KDM4C: variants seen among roughly 807,000 people sequenced by gnomAD.
KDM4C encodes lysine-specific demethylase 4C.
In KDM4C, 81 loss-of-function variants were observed where a neutral mutation model predicts 129.3. The observed-to-expected ratio is 0.63, with a 90% CI of 0.52 to 0.75. The LOEUF is 0.75. KDM4C is among the 30% of genes least tolerant of loss of function. The probability of loss-of-function intolerance (pLI) is 0.00; values close to 1 mark genes in which losing one functional copy is unlikely to be tolerated. For missense variants in KDM4C, 1,457 were observed against 1,304.0 expected, an observed-to-expected ratio of 1.12 and a Z score of -1.81; for synonymous variants, 573 against 456.1, an observed-to-expected ratio of 1.26 and a Z score of -3.26.
intron 4 of KDM4C, among the ~76,000 whole-genome samples, chr9:6,825,329 A>G (rs940629393): frequency 1.3e-5 from 2 of 152,216 alleles, no homozygotes; most frequent in African/African-American, 4.8e-5. Flanking sequence ...AGACCCTCTG[A>G]CAAGGTCTGC....
At chr9:6,918,267 G>A (rs1820699580) in intron 8 of KDM4C, among the ~76,000 whole-genome samples, 1 of 152,192 alleles carries the variant, frequency 6.6e-6, no homozygotes, top group East Asian at 1.9e-4. Flanking sequence ...GTGAGAACAT[G>A]TGGTATTTGG....
chr9:6,938,869 T>A (rs905160953), intron 8 of KDM4C, among the ~76,000 whole-genome samples: 1 of 152,148 alleles, frequency 6.6e-6, no homozygotes, highest in Non-Finnish European at 1.5e-5. Context: ...ATATTATTGT[T>A]CTTTCATAGA....
intron 17 of KDM4C, among the ~76,000 whole-genome samples, chr9:7,085,473 T>A (rs2132981751): frequency 6.6e-6 from 1 of 152,278 alleles, no homozygotes; most frequent in East Asian, 1.9e-4. Flanking sequence ...TTTTTTCAGG[T>A]CTGTTGGTTA....
intron 1 of KDM4C, among the ~76,000 whole-genome samples, chr9:6,738,614 A>G (rs1817599049): frequency 6.6e-6 from 1 of 151,840 alleles, no homozygotes; most frequent in Non-Finnish European, 1.5e-5. Flanking sequence ...TTATTCATTT[A>G]CTTATTTCAA....
Position 7,035,384 on chromosome 9 carries a change from A to G in KDM4C, c.2260-11478A>G, listed in dbSNP as rs562006615. ...TTTGAGTTCCTTGTGTATTCCAGATAGTAATCCTCTTTTTCAGATGAGTAG... is the reference window on the plus strand; with the variant it reads ...TTTGAGTTCCTTGTGTATTCCAGATGGTAATCCTCTTTTTCAGATGAGTAG... On this transcript the variant is annotated intron_variant, in intron 15 of 21. Coordinates refer to ENST00000381309, the MANE Select transcript of KDM4C (RefSeq NM_015061.6). Among the ~76,000 whole-genome samples, 13 of 142,610 alleles carry G rather than the reference A, an allele frequency of 9.1e-5. No homozygotes were observed. The East Asian group carries it at 2.6e-3, about 29-fold the overall frequency. The allele number at this position is 142,610 out of a possible 152,430, so 93.6% of individuals were successfully genotyped here.
intron 1 of KDM4C, among the ~76,000 whole-genome samples, chr9:6,744,361 T>C (rs896615124): frequency 2.4e-4 from 36 of 151,994 alleles, no homozygotes; most frequent in African/African-American, 8.7e-4. Flanking sequence ...GCATCTCTAC[T>C]AAAAACTACA....
intron 3 of KDM4C, among the ~76,000 whole-genome samples, chr9:6,810,980 ATTTC>A (rs1831039697): frequency 6.6e-6 from 1 of 152,164 alleles, no homozygotes; most frequent in Non-Finnish European, 1.5e-5. Context: ...TATTTTTTGT[ATTTC>A]TTCTGCCAGT....
At chr9:7,143,041 A>G (rs1231433125) in intron 19 of KDM4C, among the ~76,000 whole-genome samples, 1 of 151,898 alleles carries the variant, frequency 6.6e-6, no homozygotes, top group Admixed American at 6.6e-5. Flanking sequence ...CTACCTCCTT[A>G]CCTACTTGTT....
intron 5 of KDM4C, among the ~76,000 whole-genome samples, chr9:6,854,548 A>AAAAC: frequency 6.7e-6 from 1 of 149,360 alleles, no homozygotes; most frequent in Non-Finnish European, 1.5e-5. Flanking sequence ...AAAAAAAACA[A>AAAAC]AAAAAAAACT....
intron 8 of KDM4C, among the ~76,000 whole-genome samples, chr9:6,894,596 A>G (rs759329433): frequency 8.5e-5 from 13 of 152,244 alleles, no homozygotes; most frequent in Non-Finnish European, 1.6e-4. Context: ...CTTGTTTAAT[A>G]CAGGTCTCAG....
chr9:7,078,565 A>G (rs1564088827), intron 17 of KDM4C, among the ~76,000 whole-genome samples: 1 of 152,166 alleles, frequency 6.6e-6, no homozygotes, highest in East Asian at 1.9e-4. Context: ...TAATTTTCAG[A>G]GAATCCTTGT....
chr9:7,169,797 G>T lies in KDM4C; in HGVS notation c.2902-1G>T. 6.3e-7 allele frequency: 1 copy of T among 1,598,374 alleles called. No homozygotes were observed. The highest frequency in any genetic ancestry group is 1.7e-5 in the Admixed American group (1 of 59,608). On this transcript the variant is annotated splice_acceptor_variant, in intron 20 of 21. Coordinates refer to ENST00000381309, the MANE Select transcript of KDM4C (RefSeq NM_015061.6). LOFTEE classifies it high-confidence loss of function. Reference sequence around the variant, plus strand: ...TATCATGTTATATTATCTTTCATTAGGTTGAGTTTGAAGATGGATCCCAGA... The same window carrying T: ...TATCATGTTATATTATCTTTCATTATGTTGAGTTTGAAGATGGATCCCAGA...
intron 19 of KDM4C, among the ~76,000 whole-genome samples, chr9:7,160,347 C>T (rs917121598): frequency 1.2e-4 from 18 of 152,204 alleles, no homozygotes; most frequent in African/African-American, 4.3e-4. Context: ...TCGTCAAAGT[C>T]ATTCTCCCTC....
At chr9:6,737,081 C>G (rs1372286234) in intron 1 of KDM4C, among the ~76,000 whole-genome samples, 2 of 143,436 alleles carry the variant, frequency 1.4e-5, no homozygotes, top group Non-Finnish European at 3.0e-5. Context: ...AAAAGTTTTT[C>G]AGTCCCACTG....
intron 1 of KDM4C, among the ~76,000 whole-genome samples, chr9:6,761,357 A>C (rs1563945331): frequency 6.6e-6 from 1 of 151,090 alleles, no homozygotes; most frequent in Non-Finnish European, 1.5e-5. Context: ...TTTTGGAGAC[A>C]GGGTGTAACT....
chr9:6,760,607 G>T (rs2130420952), intron 1 of KDM4C, among the ~76,000 whole-genome samples: 1 of 151,648 alleles, frequency 6.6e-6, no homozygotes, highest in East Asian at 1.9e-4. Flanking sequence ...GTCTCACTCT[G>T]TTGCCCAGGC....
At chr9:6,775,261 C>G (rs1393676519) in intron 1 of KDM4C, among the ~76,000 whole-genome samples, 4 of 152,052 alleles carry the variant, frequency 2.6e-5, no homozygotes, top group Non-Finnish European at 5.9e-5. Context: ...AAGTGATCAG[C>G]CTGCCTCGGC....
rs117629618 is a variant in KDM4C at position 7,168,602 on chromosome 9, T to A, written c.2902-1196T>A. On this transcript the variant is annotated intron_variant, in intron 20 of 21. Coordinates refer to ENST00000381309, the MANE Select transcript of KDM4C (RefSeq NM_015061.6). ...CGAGAAAAGTTTTAAACATTTTGTTTTAGATGATGATGTATTTTCACACAT... is the reference window on the plus strand; with the variant it reads ...CGAGAAAAGTTTTAAACATTTTGTTATAGATGATGATGTATTTTCACACAT... 7.2e-4 allele frequency among the ~76,000 whole-genome samples: 109 copies of A among 152,164 alleles called. 3 individuals are homozygous for A. The East Asian group carries it at 0.018, about 24-fold the overall frequency.
intron 15 of KDM4C, among the ~76,000 whole-genome samples, chr9:7,025,992 G>A (rs1825748598): frequency 6.6e-6 from 1 of 152,042 alleles, no homozygotes; most frequent in African/African-American, 2.4e-5. Context: ...ATCCCTTGAG[G>A]TCAGGAGTTC....
Sources: gnomAD v4.1 joint callset for allele counts (sites outside exome capture counted in the v4.1 genomes callset) on GRCh38, gnomAD v4.1.1 for gene constraint, MANE v1.5 for transcripts, NCBI Gene and HGNC (gene_info 2026-07-23, HGNC 2026-07-21) for gene names.